LINGO2: variants seen among roughly 807,000 people sequenced by gnomAD.
LINGO2 encodes leucine rich repeat and Ig domain containing 2.
LINGO2 carries 14 observed loss-of-function variants against 30.6 expected under a neutral mutation model. The ratio of observed to expected loss-of-function variants is 0.46; its 90% confidence interval spans 0.30 to 0.72. The LOEUF is 0.72. LINGO2 is among the 30% of genes least tolerant of loss of function. The probability of loss-of-function intolerance (pLI) is 0.07; values close to 1 mark genes in which losing one functional copy is unlikely to be tolerated. For missense variants in LINGO2, 729 were observed against 751.7 expected, an observed-to-expected ratio of 0.97 and a Z score of 0.35; for synonymous variants, 317 against 288.5, an observed-to-expected ratio of 1.10 and a Z score of -1.00.
chr9:29,009,006 A>G, the LINGO2 span, among the ~76,000 whole-genome samples: 2 of 152,302 alleles, frequency 1.3e-5, no homozygotes, highest in South Asian at 4.1e-4. Context: ...AAAACTCTCA[A>G]TAAATTAGGT....
intron 4 of LINGO2, among the ~76,000 whole-genome samples, chr9:28,266,623 T>C (rs975228549): frequency 6.6e-6 from 1 of 152,028 alleles, no homozygotes; most frequent in African/African-American, 2.4e-5. Flanking sequence ...CTGTGGATTA[T>C]CTCATTTTTT....
chr9:28,617,264 G>T (rs549161096), intron 1 of LINGO2, among the ~76,000 whole-genome samples: 2 of 151,458 alleles, frequency 1.3e-5, no homozygotes, highest in South Asian at 4.2e-4. Flanking sequence ...CCTCTTTCCG[G>T]CTAGTTTAAT....
the LINGO2 span, among the ~76,000 whole-genome samples, chr9:28,871,674 T>G: frequency 2.6e-5 from 4 of 151,902 alleles, no homozygotes; most frequent in African/African-American, 4.8e-5. Context: ...TTGCAGCACA[T>G]AAGATGACAA....
At chr9:29,127,243 G>A in the LINGO2 span, among the ~76,000 whole-genome samples, 1 of 152,072 alleles carries the variant, frequency 6.6e-6, no homozygotes, top group African/African-American at 2.4e-5. Flanking sequence ...TGTTTTCATT[G>A]CTTCACTTTT....
chr9:28,081,030 T>C (rs1825758949), intron 4 of LINGO2: 1 of 152,200 alleles, frequency 6.6e-6, no homozygotes, highest in Admixed American at 6.5e-5. Flanking sequence ...AGAACTTCCT[T>C]TCCAGAGGAT....
At chr9:28,704,131 A>G in the LINGO2 span, among the ~76,000 whole-genome samples, 1 of 152,072 alleles carries the variant, frequency 6.6e-6, no homozygotes, top group Admixed American at 6.6e-5. Context: ...TTTATTGATG[A>G]TAACACATTC....
At chr9:28,986,710 C>T in the LINGO2 span, among the ~76,000 whole-genome samples, 1 of 151,986 alleles carries the variant, frequency 6.6e-6, no homozygotes, top group Non-Finnish European at 1.5e-5. Context: ...TACACCTAAA[C>T]TGCCAAACAT....
intron 4 of LINGO2, among the ~76,000 whole-genome samples, chr9:28,043,898 AT>A (rs1563938760): frequency 6.6e-6 from 1 of 152,306 alleles, no homozygotes; most frequent in Non-Finnish European, 1.5e-5. Context: ...TTTCCCTGAC[AT>A]TTTTACATTG....
chr9:28,046,590 T>TG (rs1323451919), intron 4 of LINGO2, among the ~76,000 whole-genome samples: 2 of 152,224 alleles, frequency 1.3e-5, no homozygotes, highest in African/African-American at 4.8e-5. Flanking sequence ...GTTTTACTGT[T>TG]GGACTGGCTA....
chr9:28,172,162 C>A (rs1328096529), intron 4 of LINGO2, among the ~76,000 whole-genome samples: 2 of 151,016 alleles, frequency 1.3e-5, no homozygotes, highest in Non-Finnish European at 3.0e-5. Flanking sequence ...GAGGCCGAGG[C>A]GGGCGGATCA....
the LINGO2 span, among the ~76,000 whole-genome samples, chr9:29,154,652 C>T: frequency 6.6e-6 from 1 of 152,064 alleles, no homozygotes; most frequent in East Asian, 1.9e-4. Flanking sequence ...ATGTAATCAA[C>T]TTTGTTAGTA....
the LINGO2 span, among the ~76,000 whole-genome samples, chr9:28,899,967 C>T: frequency 1.3e-5 from 2 of 152,184 alleles, no homozygotes; most frequent in African/African-American, 2.4e-5. Flanking sequence ...GACTCTATGA[C>T]CTCTCCTGTG....
the LINGO2 span, among the ~76,000 whole-genome samples, chr9:29,173,531 G>T: frequency 1.1e-3 from 173 of 152,216 alleles, 3 homozygotes; most frequent in East Asian, 0.031. Flanking sequence ...GATGTGGCAG[G>T]AGAAGAAAAA....
chr9:28,291,237 C>T (rs761559941), intron 4 of LINGO2, among the ~76,000 whole-genome samples: 21 of 152,118 alleles, frequency 1.4e-4, no homozygotes, highest in Admixed American at 2.6e-4. Flanking sequence ...CTAAGGCAAT[C>T]GGCATCATCC....
At chr9:27,944,767 G>T (rs184774419), downstream of LINGO2, among the ~76,000 whole-genome samples, 8 of 152,242 alleles carry the variant, frequency 5.3e-5, no homozygotes, top group Admixed American at 5.2e-4. Context: ...TGAGTAGAAT[G>T]AATGCCTTTG....
intron 4 of LINGO2, among the ~76,000 whole-genome samples, chr9:28,146,191 G>A (rs768806899): frequency 2.6e-5 from 4 of 152,160 alleles, no homozygotes; most frequent in African/African-American, 4.8e-5. Context: ...AGATGTAACT[G>A]CCCACAGGTC....
chr9:29,004,815 C>T, the LINGO2 span, among the ~76,000 whole-genome samples: 5 of 151,740 alleles, frequency 3.3e-5, no homozygotes, highest in Non-Finnish European at 4.4e-5. Flanking sequence ...AAACTCTTGA[C>T]GTAAGAGTTA....
intron 4 of LINGO2, among the ~76,000 whole-genome samples, chr9:28,089,870 G>C (rs2133257671): frequency 1.3e-5 from 2 of 152,256 alleles, no homozygotes; most frequent in African/African-American, 4.8e-5. Flanking sequence ...AATAAAAAAT[G>C]ATAAAGGGGA....
intron 4 of LINGO2, among the ~76,000 whole-genome samples, chr9:28,293,158 T>C (rs944678853): frequency 1.3e-5 from 2 of 152,106 alleles, no homozygotes; most frequent in African/African-American, 4.8e-5. Flanking sequence ...AATGCAGTAG[T>C]GCTATCATAG....
Sources: allele counts gnomAD v4.1 joint callset (sites outside exome capture counted in the v4.1 genomes callset), GRCh38; gene constraint gnomAD v4.1.1; transcripts MANE v1.5; gene names NCBI Gene and HGNC (gene_info 2026-07-23, HGNC 2026-07-21).